Variants in RYR1 observed in about 807,000 individuals in gnomAD.
The protein encoded by RYR1 is central core disease of muscle.
In RYR1, 342 loss-of-function variants were observed where a neutral mutation model predicts 583.5. That is an observed-to-expected ratio of 0.59 (90% confidence interval 0.54 to 0.64). The LOEUF is 0.64. RYR1 is among the 30% of genes least tolerant of loss of function. The pLI is 0.00. For synonymous variants in RYR1, 2,791 were observed against 2,822.5 expected (o/e 0.99, Z 0.35); for missense variants, 6,032 against 6,917.2 (o/e 0.87, Z 4.54).
At chr19:38,463,190 G>A (rs1239948878) in intron 20 of RYR1, among the ~76,000 whole-genome samples, 1 of 123,996 alleles carries the variant, frequency 8.1e-6, no homozygotes, top group East Asian at 2.4e-4. Context: ...TTACAGATGT[G>A]AGCCACTACG....
chr19:38,539,279 C>T (rs918496417), intron 84 of RYR1, among the ~76,000 whole-genome samples: 12 of 141,930 alleles, frequency 8.5e-5, no homozygotes, highest in Non-Finnish European at 1.8e-4. Context: ...TCACTCTTGT[C>T]GCCCAGACTG....
intron 1 of RYR1, among the ~76,000 whole-genome samples, chr19:38,434,765 G>A (rs573535912): frequency 1.3e-5 from 2 of 152,124 alleles, no homozygotes; most frequent in Non-Finnish European, 2.9e-5. Context: ...CAGGGTGTGG[G>A]GTCGTAAATA....
At chr19:38,523,969 T>G (rs759887604) in intron 70 of RYR1, 40 bp downstream of exon 70, 3 of 1,612,584 alleles carry the variant, frequency 1.9e-6, no homozygotes, top group Non-Finnish European at 2.5e-6. Context: ...GTCTCTTGGC[T>G]AATGCCCTCT....
At position 38,510,779 on chromosome 19, in the gene RYR1, C is replaced by G; in HGVS notation, c.9120C>G (p.Thr3040=). Reference sequence around the variant, plus strand: ...CTAACAAGGAGAAGGAAATGATCACCAGGTGGGCCGCCTGTGACCCTGGAC... The same window carrying G: ...CTAACAAGGAGAAGGAAATGATCACGAGGTGGGCCGCCTGTGACCCTGGAC... ...HASNKEKEMI[T]SLFCKLAALV... Residue 3040 remains threonine (T), a splice_region_variant and synonymous_variant, in exon 60 of 106, where the codon ACC becomes ACG. Coordinates refer to ENST00000359596, the MANE Select transcript of RYR1 (RefSeq NM_000540.3). The G allele has an allele frequency of 6.2e-7, 1 of 1,614,216 alleles. No individual in the cohort carries two copies. Among genetic ancestry groups the G allele is most frequent in the South Asian group, 1.1e-5 (1 of 91,078 alleles).
chr19:38,460,727 C>G, intron 20 of RYR1, 136 bp downstream of exon 20: 1 of 848,478 alleles, frequency 1.2e-6, no homozygotes, highest in Non-Finnish European at 1.9e-6. Context: ...CCTGTAAGCC[C>G]AGCAATTTGG....
rs757262970 is a variant in RYR1 at position 38,485,754 on chromosome 19, C to T, written c.5099C>T (p.Ala1700Val). The change falls in exon 34 of 106, where the codon GCG becomes GTG. Residue 1700 changes from alanine to valine, a missense_variant. Physicochemically the swap from Ala to Val is moderately conservative, Grantham distance 64. Transcript: ENST00000359596. ...CAGCTGCTGCACGCCCTGGAGGACG[C>T]GCACCTGCCAGGCCCACTGCGCGCA... The part of the protein sequence containing the change: ...QAQLLHALED[A>V]HLPGPLRAGY... 2 of 1,612,782 alleles carry T rather than the reference C, an allele frequency of 1.2e-6. No individual in the cohort carries two copies. The highest frequency in any genetic ancestry group is 2.2e-5 in the East Asian group (1 of 44,898).
Position 38,499,805 on chromosome 19 carries a change from G to A in RYR1, c.7198G>A (p.Asp2400Asn). 6.2e-7 allele frequency: 1 copy of A among 1,604,998 alleles called. No homozygotes were observed. The highest frequency in any genetic ancestry group is 1.1e-5 in the South Asian group (1 of 90,764). ...GAGGGATGGCCCAGGCATCCGCAGG[G>A]ACCGGCGGCGCGAGCAGTGAGTCTC... ...PARDGPGIRR[D>N]RRREHFGEEP... The change falls in exon 44 of 106, where the codon GAC becomes AAC. Residue 2400 changes from aspartate to asparagine, a missense_variant. This residue lies in a region of RYR1 where 2,627 missense variants were observed against 2,961.3 expected (regional missense o/e 0.89). Coordinates refer to ENST00000359596, the MANE Select transcript of RYR1 (RefSeq NM_000540.3). The surrounding 1 kb of genome is among the most constrained non-coding windows in gnomAD (Gnocchi z 7.3).
chr19:38,458,727 T>C lies in RYR1; in HGVS notation c.2168-419T>C, dbSNP rs1189352198. On this transcript the variant is annotated intron_variant, in intron 18 of 105. Coordinates refer to ENST00000359596, the MANE Select transcript of RYR1 (RefSeq NM_000540.3). ...GCAACCTCTGCCTCTCGGGTTCAAG[T>C]AATTCTCCTGCCTCAGCCTCCTGAG... Among the ~76,000 whole-genome samples, 3 of 152,298 alleles carry C rather than the reference T, an allele frequency of 2.0e-5. No individual in the cohort carries two copies. In the East Asian group the frequency reaches 5.8e-4, roughly 29 times the overall value.
At position 38,528,470 on chromosome 19, in the gene RYR1, C is replaced by T. The variant is rs546707985; in HGVS notation, c.10937+52C>T. ...GTGAAGGGCTGCGGAGAAAGGGTGG[C>T]TGGAGAGTCTGGAGAATGGAGGGCC... On this transcript the variant is annotated intron_variant, in intron 74 of 105. Coordinates refer to ENST00000359596, the MANE Select transcript of RYR1 (RefSeq NM_000540.3). The T allele has an allele frequency of 6.3e-6, 10 of 1,599,038 alleles. No individual in the cohort carries two copies. In the East Asian group the frequency reaches 1.8e-4, roughly 29 times the overall value.
Position 38,496,521 on chromosome 19 carries a change from A to C in RYR1, c.6776A>C (p.Glu2259Ala). The C allele has an allele frequency of 5.0e-6, 8 of 1,613,484 alleles. No homozygotes were observed. The highest frequency in any genetic ancestry group is 6.8e-6 in the Non-Finnish European group (8 of 1,180,024). ...SMFDHLSYLL[E>A]NSGIGLGMQG... Reference sequence around the variant, plus strand: ...TTTGACCACCTGAGCTACCTGCTGGAGAACAGTGGCATCGGCCTGGGTGAG... The same window carrying C: ...TTTGACCACCTGAGCTACCTGCTGGCGAACAGTGGCATCGGCCTGGGTGAG... Residue 2259 changes from glutamate to alanine, a missense_variant, in exon 41 of 106, where the codon GAG (glutamate) becomes GCG (alanine). By Grantham distance (107) the Glu-to-Ala change is moderately radical (BLOSUM62 -1). Around this residue, in one of 11 missense-constraint regions of RYR1, gnomAD observed 2,627 missense variants for 2,961.3 expected, o/e 0.89. Transcript: ENST00000359596. The surrounding 1 kb of genome is among the most constrained non-coding windows in gnomAD (Gnocchi z 4.8).
At chr19:38,476,982 G>T (rs778339874) in intron 29 of RYR1, among the ~76,000 whole-genome samples, 2 of 151,514 alleles carry the variant, frequency 1.3e-5, no homozygotes, top group African/African-American at 4.9e-5. Context: ...TGCAGGCTAC[G>T]ATGGTGCCTC....
chr19:38,496,722 G>A lies in RYR1; in HGVS notation c.6797-138G>A, dbSNP rs1250606795. ...GACCCCAATAGTGACAGCCCAGAGT[G>A]GTCAGAGCTTGGATGAGGGAAGTAC... On this transcript the variant is annotated intron_variant, in intron 41 of 105. Coordinates refer to ENST00000359596, the MANE Select transcript of RYR1 (RefSeq NM_000540.3). The surrounding 1 kb of genome is among the most constrained non-coding windows in gnomAD (Gnocchi z 4.8). 5.3e-6 allele frequency: 6 copies of A among 1,122,966 alleles called. No individual in the cohort carries two copies. The highest frequency in any genetic ancestry group is 1.9e-4 in the Middle Eastern group (1 of 5,164). The allele number at this position is 1,122,966 out of a possible 1,614,324, so 69.6% of individuals were successfully genotyped here. A position where few individuals can be genotyped will look rare whatever the true frequency, so the allele number is the denominator to read the frequency against.
At chr19:38,461,763 G>T in intron 20 of RYR1, among the ~76,000 whole-genome samples, 1 of 136,732 alleles carries the variant, frequency 7.3e-6, no homozygotes, top group Non-Finnish European at 1.6e-5. Context: ...GAGAGAGAAA[G>T]AAAGAAAAAG....
At chr19:38,457,922 C>A in intron 17 of RYR1, 129 bp from the exon 18 acceptor site, 1 of 987,654 alleles carries the variant, frequency 1.0e-6, no homozygotes, top group Non-Finnish European at 1.6e-6. Flanking sequence ...TCCTCCATGT[C>A]TTTCTCCCTG....
chr19:38,519,169 T>C (rs1568530448), intron 66 of RYR1, 45 bp from the exon 67 acceptor site: 1 of 1,613,670 alleles, frequency 6.2e-7, no homozygotes, highest in East Asian at 2.2e-5. Context: ...TTGGGGCCTG[T>C]GTCAGAGGCC....
rs558809224 is a variant in RYR1, at chr19:38,561,104, C to T, written c.12283-9C>T. ...AGGTCACCCCACTGACCTCCCTGCC[C>T]GCCCCCAGGCCATGGACAGCCAGAA... On this transcript the variant is annotated splice_polypyrimidine_tract_variant and intron_variant, in intron 89 of 105. Transcript: ENST00000359596. This position sits in a 1 kb window ranked among gnomAD's most constrained non-coding sequence, Gnocchi z 4.8. 50 of 1,613,898 alleles carry T rather than the reference C, an allele frequency of 3.1e-5. No individual in the cohort carries two copies. The highest frequency in any genetic ancestry group is 3.8e-5 in the Non-Finnish European group (45 of 1,179,888).
chr19:38,481,772 C>T (rs1016691967), intron 31 of RYR1, among the ~76,000 whole-genome samples: 9 of 151,284 alleles, frequency 5.9e-5, no homozygotes, highest in South Asian at 2.1e-4. Flanking sequence ...GGTGGCAGAG[C>T]GAGACACTGC....
chr19:38,436,131 A>G (rs1972416411), intron 1 of RYR1, among the ~76,000 whole-genome samples: 1 of 151,876 alleles, frequency 6.6e-6, no homozygotes, highest in South Asian at 2.1e-4. Flanking sequence ...GCTGGTCTTG[A>G]ACTCCTGACC....
chr19:38,467,886 TC>T, intron 25 of RYR1, 74 bp downstream of exon 25: 1 of 1,441,324 alleles, frequency 6.9e-7, no homozygotes, highest in Non-Finnish European at 9.6e-7. Context: ...TGGCCCTGCC[TC>T]TGTCTGTGCC....
Sources: gnomAD v4.1 joint callset for allele counts (sites outside exome capture counted in the v4.1 genomes callset) on GRCh38, gnomAD v4.1.1 for gene constraint, gnomAD v4.1.1 regional missense constraint, Gnocchi (gnomAD v3.1) non-coding constraint, MANE v1.5 for transcripts, NCBI Gene and HGNC (gene_info 2026-07-23, HGNC 2026-07-21) for gene names.